HDAC9: variants seen among roughly 807,000 people sequenced by gnomAD.
HDAC9 encodes the protein histone deacetylase 9, also known as MEF-2 interacting transcription repressor (MITR) protein.
HDAC9 carries 41 observed loss-of-function variants against 139.4 expected under a neutral mutation model. The observed-to-expected ratio is 0.29, with a 90% CI of 0.23 to 0.38. The LOEUF (loss-of-function observed/expected upper bound fraction) is 0.38, where lower values mean the gene tolerates loss of function less well. HDAC9 is among the 10% of genes least tolerant of loss of function. The pLI is 1.00. For missense variants in HDAC9, 1,147 were observed against 1,297.0 expected (o/e 0.88, Z 1.78); for synonymous variants, 517 against 476.2 (o/e 1.09, Z -1.12).
chr7:18,260,372 G>A (rs1285947181), intron 2 of HDAC9, among the ~76,000 whole-genome samples: 1 of 142,522 alleles, frequency 7.0e-6, no homozygotes, highest in African/African-American at 2.6e-5. Context: ...AGGCTGGAGT[G>A]CAGTGGCACG....
intron 17 of HDAC9, among the ~76,000 whole-genome samples, chr7:18,795,664 A>G (rs977586997): frequency 3.3e-5 from 5 of 152,202 alleles, no homozygotes; most frequent in Non-Finnish European, 5.9e-5. Flanking sequence ...AAGAGACTGA[A>G]GCCCTGGGTT....
At chr7:18,613,010 T>A (rs1373964911) in intron 6 of HDAC9, among the ~76,000 whole-genome samples, 5 of 150,208 alleles carry the variant, frequency 3.3e-5, no homozygotes, top group Non-Finnish European at 1.5e-5. Flanking sequence ...GTCTAAGAAG[T>A]TGTACATGTT....
At chr7:18,300,335 T>G (rs535224105) in intron 1 of HDAC9, among the ~76,000 whole-genome samples, 23 of 152,296 alleles carry the variant, frequency 1.5e-4, no homozygotes, top group Admixed American at 3.3e-4. Flanking sequence ...TTCCAAGGAA[T>G]GACAGGGGTT....
chr7:18,233,898 T>A (rs900176026), intron 2 of HDAC9, among the ~76,000 whole-genome samples: 2 of 152,206 alleles, frequency 1.3e-5, no homozygotes, highest in Non-Finnish European at 2.9e-5. Context: ...TGTAGGAAAC[T>A]TGGCAAATAG....
chr7:18,191,786 A>G (rs1266203340), intron 2 of HDAC9, among the ~76,000 whole-genome samples: 1 of 152,232 alleles, frequency 6.6e-6, no homozygotes, highest in East Asian at 1.9e-4. Context: ...CATTTTATAA[A>G]CTATAATGAT....
At chr7:18,799,782 G>T (rs1793137907) in intron 17 of HDAC9, among the ~76,000 whole-genome samples, 1 of 152,126 alleles carries the variant, frequency 6.6e-6, no homozygotes, top group African/African-American at 2.4e-5. Context: ...TGTAGGACAT[G>T]ATCAAATGTA....
chr7:18,954,910 T>C (rs1783044894), intron 24 of HDAC9, among the ~76,000 whole-genome samples: 1 of 152,086 alleles, frequency 6.6e-6, no homozygotes, highest in South Asian at 2.1e-4. Context: ...TTGCCAGCTA[T>C]CTCTTTGGGT....
intron 1 of HDAC9, among the ~76,000 whole-genome samples, chr7:18,311,573 G>A (rs1373839353): frequency 6.6e-6 from 1 of 152,124 alleles, no homozygotes; most frequent in African/African-American, 2.4e-5. Context: ...GGTTAGGTTA[G>A]TTGCCCAAAT....
At chr7:18,724,170 A>C (rs917046918) in intron 12 of HDAC9, among the ~76,000 whole-genome samples, 21 of 152,144 alleles carry the variant, frequency 1.4e-4, no homozygotes, top group African/African-American at 4.8e-4. Context: ...CCTCTTCAAC[A>C]GGTTTTTCTT....
chr7:18,643,279 A>G (rs907169921), intron 8 of HDAC9, among the ~76,000 whole-genome samples: 1 of 152,158 alleles, frequency 6.6e-6, no homozygotes, highest in African/African-American at 2.4e-5. Flanking sequence ...ATCTTTCCCA[A>G]CAATCTTCAT....
intron 17 of HDAC9, among the ~76,000 whole-genome samples, chr7:18,819,308 A>T (rs1293344507): frequency 6.6e-6 from 1 of 152,174 alleles, no homozygotes; most frequent in Non-Finnish European, 1.5e-5. Context: ...AATAAATTTT[A>T]AAAACCAACA....
intron 6 of HDAC9, among the ~76,000 whole-genome samples, chr7:18,606,887 G>T (rs185024432): frequency 7.2e-5 from 11 of 152,186 alleles, no homozygotes. Flanking sequence ...CTTTCTGGTG[G>T]CAGGGAGTTA....
At chr7:18,811,852 G>A (rs1309075353) in intron 17 of HDAC9, among the ~76,000 whole-genome samples, 1 of 151,330 alleles carries the variant, frequency 6.6e-6, no homozygotes, top group Non-Finnish European at 1.5e-5. Flanking sequence ...AGGAAAGAAA[G>A]GGAGAGGGAG....
chr7:18,607,366 A>G (rs1025382006), intron 6 of HDAC9, among the ~76,000 whole-genome samples: 6 of 152,254 alleles, frequency 3.9e-5, no homozygotes, highest in African/African-American at 1.4e-4. Context: ...AAAGCTGAGA[A>G]TTCTAGCTTG....
At chr7:18,642,267 T>C (rs935821692) in intron 8 of HDAC9, among the ~76,000 whole-genome samples, 1 of 152,002 alleles carries the variant, frequency 6.6e-6, no homozygotes, top group Non-Finnish European at 1.5e-5. Flanking sequence ...TTGTGCCAAG[T>C]CCCCTGACTC....
At chr7:18,093,757 A>G (rs185022681) in intron 1 of HDAC9, among the ~76,000 whole-genome samples, 1 of 152,304 alleles carries the variant, frequency 6.6e-6, no homozygotes, top group East Asian at 1.9e-4. Flanking sequence ...TTGATCTTGA[A>G]AAGTCTATTG....
chr7:18,135,415 T>C (rs1233425320), intron 1 of HDAC9, among the ~76,000 whole-genome samples: 1 of 144,340 alleles, frequency 6.9e-6, no homozygotes, highest in African/African-American at 2.6e-5. Flanking sequence ...ACTCGTCATC[T>C]AGCATTAGGT....
At chr7:18,883,891 C>T (rs1343151061) in intron 22 of HDAC9, among the ~76,000 whole-genome samples, 2 of 152,018 alleles carry the variant, frequency 1.3e-5, no homozygotes, top group African/African-American at 4.8e-5. Flanking sequence ...TTTCTGTATA[C>T]TAACAATGAC....
At chr7:18,101,836 A>G (rs565891828) in intron 1 of HDAC9, among the ~76,000 whole-genome samples, 1 of 152,358 alleles carries the variant, frequency 6.6e-6, no homozygotes, top group Non-Finnish European at 1.5e-5. Context: ...AAAAGATGCC[A>G]CTATGGGAAA....
Sources: allele counts gnomAD v4.1 joint callset (sites outside exome capture counted in the v4.1 genomes callset), GRCh38; gene constraint gnomAD v4.1.1; transcripts MANE v1.5; gene names NCBI Gene and HGNC (gene_info 2026-07-23, HGNC 2026-07-21).